LRPPRC: variants seen among roughly 807,000 people sequenced by gnomAD.
LRPPRC encodes leucine-rich PPR motif-containing protein, mitochondrial.
In LRPPRC, 120 loss-of-function variants were observed where a neutral mutation model predicts 180.3. The ratio of observed to expected loss-of-function variants is 0.67; its 90% CI spans 0.57 to 0.77. The LOEUF is 0.77. LRPPRC is among the 30% of genes least tolerant of loss of function. The probability of loss-of-function intolerance (pLI) is 0.00; values close to 1 mark genes in which losing one functional copy is unlikely to be tolerated. For synonymous variants in LRPPRC, 723 were observed against 600.0 expected (o/e 1.21, Z -3.00); for missense variants, 2,012 against 1,657.2 (o/e 1.21, Z -3.72).
chr2:43,957,488 A>C, intron 13 of LRPPRC, 37 bp from the exon 14 acceptor site: 1 of 1,460,944 alleles, frequency 6.8e-7, no homozygotes, highest in East Asian at 2.3e-5. Context: ...ATCTCAGACC[A>C]AACAAATTTA....
At chr2:43,951,411 C>T (rs1348232591) in intron 14 of LRPPRC, among the ~76,000 whole-genome samples, 1 of 152,116 alleles carries the variant, frequency 6.6e-6, no homozygotes, top group East Asian at 1.9e-4. Context: ...AAGTGAGGGG[C>T]TAATGTGCCA....
At chr2:43,893,376 G>T (rs1487717300) in intron 36 of LRPPRC, among the ~76,000 whole-genome samples, 1 of 152,114 alleles carries the variant, frequency 6.6e-6, no homozygotes, top group Non-Finnish European at 1.5e-5. Context: ...GAACTCTTTC[G>T]TGAAAGGAAA....
At chr2:43,901,817 T>G in intron 31 of LRPPRC, 1 of 351,596 alleles carries the variant, frequency 2.8e-6, no homozygotes, top group Admixed American at 4.4e-5. Flanking sequence ...GTGACTAAAG[T>G]TGGTAAGTTC....
At chr2:43,937,387 A>G (rs1361683434) in intron 23 of LRPPRC, among the ~76,000 whole-genome samples, 1 of 152,178 alleles carries the variant, frequency 6.6e-6, no homozygotes, top group Non-Finnish European at 1.5e-5. Flanking sequence ...TTCAGTCCCT[A>G]TTATCTAATT....
At chr2:43,933,373 G>T (rs1672158365) in intron 25 of LRPPRC, among the ~76,000 whole-genome samples, 1 of 152,096 alleles carries the variant, frequency 6.6e-6, no homozygotes, top group Non-Finnish European at 1.5e-5. Flanking sequence ...CCTGTCCCCT[G>T]TATATTTTTG....
At chr2:43,905,153 G>A (rs568894158) in intron 31 of LRPPRC, among the ~76,000 whole-genome samples, 56 of 152,122 alleles carry the variant, frequency 3.7e-4, no homozygotes, top group African/African-American at 1.3e-3. Context: ...TTTTATTGCT[G>A]TTGGTATTAT....
intron 23 of LRPPRC, among the ~76,000 whole-genome samples, chr2:43,941,477 C>T (rs1229870499): frequency 6.6e-6 from 1 of 152,104 alleles, no homozygotes; most frequent in Non-Finnish European, 1.5e-5. Context: ...TGAGCTCATA[C>T]CTGCTGAGGT....
chr2:43,923,640 G>A lies in LRPPRC; in HGVS notation c.2896+1427C>T, dbSNP rs553530689. ...GGTGATGGGGCTGACCCTTTCAGCA[G>A]AGCACTACCTTTACATCTGCAGTGC... On this transcript the variant is annotated intron_variant, in intron 27 of 37. Coordinates refer to ENST00000260665, the MANE Select transcript of LRPPRC (RefSeq NM_133259.4). 4.0e-5 allele frequency among the ~76,000 whole-genome samples: 6 copies of A among 151,782 alleles called. No homozygotes were observed. The South Asian group carries it at 1.2e-3, about 32-fold the overall frequency.
intron 29 of LRPPRC, among the ~76,000 whole-genome samples, chr2:43,914,931 C>A (rs946078619): frequency 7.4e-5 from 11 of 149,590 alleles, no homozygotes; most frequent in Non-Finnish European, 1.3e-4. Flanking sequence ...AGAGGACGGG[C>A]GTGGTGGTGG....
At chr2:43,893,357 T>C (rs1572887359) in intron 36 of LRPPRC, among the ~76,000 whole-genome samples, 1 of 152,224 alleles carries the variant, frequency 6.6e-6, no homozygotes, top group Non-Finnish European at 1.5e-5. Context: ...CAACATCGCA[T>C]ACTACAGAGA....
intron 14 of LRPPRC, among the ~76,000 whole-genome samples, chr2:43,950,812 G>A (rs559427578): frequency 1.3e-5 from 2 of 152,338 alleles, no homozygotes; most frequent in South Asian, 4.1e-4. Flanking sequence ...GCTCACATCT[G>A]CAATCCCAGC....
At position 43,934,170 on chromosome 2, in the gene LRPPRC, C is replaced by G. The variant is rs768451358; in HGVS notation, c.2736+20G>C. 21 of 1,331,636 alleles carry G rather than the reference C, an allele frequency of 1.6e-5. No homozygotes were observed. The South Asian group carries it at 2.2e-4, about 14-fold the overall frequency. 82.5% of individuals were successfully genotyped at this position (1,331,636 alleles called of 1,614,324 possible). ...AGTCTAAATAGCTCTACAATTAGAA[C>G]ACTGTAGTTAAAATCACACCTCAAT... On this transcript the variant is annotated intron_variant, in intron 25 of 37. Coordinates refer to ENST00000260665, the MANE Select transcript of LRPPRC (RefSeq NM_133259.4).
In LRPPRC at chr2:43,975,080, A is replaced by C. The variant is rs193090896; in HGVS notation, c.864+11T>G. On this transcript the variant is annotated intron_variant, in intron 7 of 37. Coordinates refer to ENST00000260665, the MANE Select transcript of LRPPRC (RefSeq NM_133259.4). The stretch of plus-strand genomic sequence containing the variant: ...GATTTTAAAGTATGTTTATTTAGAC[A>C]TAAGTCATACCTGCTTAACATGGTC... 775 of 1,611,722 alleles carry C rather than the reference A, an allele frequency of 4.8e-4. 9 individuals are homozygous for C. In the African/African-American group the frequency reaches 8.9e-3, roughly 18 times the overall value.
At chr2:43,983,685 C>A (rs1443184440) in intron 1 of LRPPRC, among the ~76,000 whole-genome samples, 2 of 152,130 alleles carry the variant, frequency 1.3e-5, no homozygotes, top group Non-Finnish European at 2.9e-5. Flanking sequence ...CAGACGTACA[C>A]ATTTTCATCA....
At chr2:43,973,114 G>C (rs1673890446) in intron 11 of LRPPRC, among the ~76,000 whole-genome samples, 1 of 152,136 alleles carries the variant, frequency 6.6e-6, no homozygotes, top group Non-Finnish European at 1.5e-5. Context: ...TCAATCAGCA[G>C]GCTGTCAGGT....
At chr2:43,912,590 T>C in intron 29 of LRPPRC, 32 bp from the exon 30 acceptor site, 2 of 1,590,456 alleles carry the variant, frequency 1.3e-6, no homozygotes, top group Middle Eastern at 1.7e-4. Context: ...AAAAATGAGA[T>C]GACATTATTC....
chr2:43,897,980 C>T (rs1670744987), intron 34 of LRPPRC, among the ~76,000 whole-genome samples: 1 of 149,704 alleles, frequency 6.7e-6, no homozygotes, highest in African/African-American at 2.5e-5. Context: ...TGAGTATCTT[C>T]CTTCTTTTTT....
At chr2:43,972,768 G>C (rs1345867911) in intron 11 of LRPPRC, among the ~76,000 whole-genome samples, 2 of 152,132 alleles carry the variant, frequency 1.3e-5, no homozygotes, top group Admixed American at 6.5e-5. Context: ...TCTGCTAAAA[G>C]CACTTTTTTT....
At chr2:43,891,874 G>C (rs1383963026) in intron 36 of LRPPRC, among the ~76,000 whole-genome samples, 14 of 152,224 alleles carry the variant, frequency 9.2e-5, no homozygotes, top group Non-Finnish European at 2.1e-4. Flanking sequence ...TGAATGCAAA[G>C]GAAAAGTCCT....
Sources: allele counts gnomAD v4.1 joint callset (sites outside exome capture counted in the v4.1 genomes callset), GRCh38; gene constraint gnomAD v4.1.1; transcripts MANE v1.5; gene names NCBI Gene and HGNC (gene_info 2026-07-23, HGNC 2026-07-21).